Variants in B3GAT2 observed in about 807,000 individuals in gnomAD.
B3GAT2 encodes beta-1,3-glucuronyltransferase 2.
Under a neutral mutation model 27.8 loss-of-function variants are expected in B3GAT2, and 26 were observed. The ratio of observed to expected loss-of-function variants is 0.93; its 90% CI spans 0.68 to 1.30. The LOEUF (loss-of-function observed/expected upper bound fraction) is 1.30, where lower values mean the gene tolerates loss of function less well. B3GAT2 is among the 50% of genes most tolerant of loss of function. The pLI is 0.00. For missense variants in B3GAT2, 458 were observed against 459.0 expected (o/e 1.00, Z 0.02); for synonymous variants, 218 against 195.1 (o/e 1.12, Z -0.98).
intron 2 of B3GAT2, 119 bp downstream of exon 2, chr6:70,894,009 T>C (rs968836403): frequency 4.6e-6 from 5 of 1,076,484 alleles, no homozygotes; most frequent in Non-Finnish European, 6.3e-6. Flanking sequence ...CTGAATATGA[T>C]ATGATGTAGG....
At chr6:70,862,680 T>A (rs2150020449) in intron 2 of B3GAT2, among the ~76,000 whole-genome samples, 1 of 152,142 alleles carries the variant, frequency 6.6e-6, no homozygotes, top group South Asian at 2.1e-4. Context: ...ATACGAAAAA[T>A]CATTACTGGC....
intron 1 of B3GAT2, among the ~76,000 whole-genome samples, chr6:70,909,442 A>T (rs1269284671): frequency 6.6e-6 from 1 of 152,226 alleles, no homozygotes; most frequent in Non-Finnish European, 1.5e-5. Context: ...AGTGATTACC[A>T]GAGATAATAA....
intron 1 of B3GAT2, among the ~76,000 whole-genome samples, chr6:70,901,917 T>A (rs1772505441): frequency 6.6e-6 from 1 of 152,074 alleles, no homozygotes; most frequent in Admixed American, 6.5e-5. Flanking sequence ...TAAACCATAA[T>A]AAGAACCATG....
chr6:70,955,176 A>G (rs1332898615), intron 1 of B3GAT2, among the ~76,000 whole-genome samples: 1 of 39,058 alleles, frequency 2.6e-5, no homozygotes, highest in Non-Finnish European at 4.7e-5. Context: ...GTTTTCTTGC[A>G]AAAAAAAAAA....
intron 1 of B3GAT2, among the ~76,000 whole-genome samples, chr6:70,937,171 C>A (rs1001697370): frequency 6.6e-5 from 10 of 151,930 alleles, no homozygotes; most frequent in Non-Finnish European, 2.9e-5. Context: ...ATAAATTCCT[C>A]GGCACATACA....
chr6:70,940,177 ACC>A (rs1220067247), intron 1 of B3GAT2, among the ~76,000 whole-genome samples: 5 of 152,026 alleles, frequency 3.3e-5, no homozygotes, highest in Non-Finnish European at 7.4e-5. Flanking sequence ...CCACACACAC[ACC>A]CACACCCTCT....
intron 2 of B3GAT2, among the ~76,000 whole-genome samples, chr6:70,891,188 C>T (rs1032662673): frequency 9.2e-5 from 14 of 152,150 alleles, no homozygotes; most frequent in African/African-American, 2.7e-4. Flanking sequence ...CAGTAGAAAC[C>T]CCCCAGGGCC....
chr6:70,917,683 C>G (rs1325712004), intron 1 of B3GAT2, among the ~76,000 whole-genome samples: 1 of 152,184 alleles, frequency 6.6e-6, no homozygotes, highest in Non-Finnish European at 1.5e-5. Flanking sequence ...GCAGGTTGTT[C>G]AGTTTCCATG....
intron 1 of B3GAT2, among the ~76,000 whole-genome samples, chr6:70,894,721 A>C (rs1042966661): frequency 1.3e-5 from 2 of 152,198 alleles, no homozygotes; most frequent in African/African-American, 4.8e-5. Flanking sequence ...TTCTATTGCT[A>C]TACATACACA....
chr6:70,889,402 T>G (rs1482603248), intron 2 of B3GAT2, among the ~76,000 whole-genome samples: 1 of 152,096 alleles, frequency 6.6e-6, no homozygotes, highest in Non-Finnish European at 1.5e-5. Flanking sequence ...CCCTCCTGCC[T>G]CCTAGTCATG....
At chr6:70,947,996 T>C (rs1388581257) in intron 1 of B3GAT2, among the ~76,000 whole-genome samples, 1 of 152,028 alleles carries the variant, frequency 6.6e-6, no homozygotes, top group Non-Finnish European at 1.5e-5. Context: ...ATTATCTTAA[T>C]AGATGCAGAA....
chr6:70,858,266 A>T lies in B3GAT2; in HGVS notation c.*3397T>A. ...TTACTTTCTAGCTTCTCCCAAATCAAACCAGATTTATTTTCTAAATCTTTT... is the reference window on the plus strand; with the variant it reads ...TTACTTTCTAGCTTCTCCCAAATCATACCAGATTTATTTTCTAAATCTTTT... On this transcript the variant is annotated 3_prime_UTR_variant, in exon 4 of 4. Coordinates refer to ENST00000230053, the MANE Select transcript of B3GAT2 (RefSeq NM_080742.3). The T allele has an allele frequency of 7.0e-7, 1 of 1,433,784 alleles. No individual in the cohort carries two copies. Among genetic ancestry groups the T allele is most frequent in the Non-Finnish European group, 9.3e-7 (1 of 1,070,310 alleles). 88.8% of individuals were successfully genotyped at this position (1,433,784 alleles called of 1,614,324 possible).
At chr6:70,896,991 T>C (rs930079616) in intron 1 of B3GAT2, among the ~76,000 whole-genome samples, 3 of 152,352 alleles carry the variant, frequency 2.0e-5, no homozygotes, top group Admixed American at 6.5e-5. Flanking sequence ...GTCAGATTAT[T>C]TTCCAAAGTG....
At chr6:70,946,286 A>G (rs1368954284) in intron 1 of B3GAT2, among the ~76,000 whole-genome samples, 1 of 152,102 alleles carries the variant, frequency 6.6e-6, no homozygotes, top group Non-Finnish European at 1.5e-5. Flanking sequence ...ATGGGTCTTG[A>G]CTGGGGATAA....
intron 2 of B3GAT2, among the ~76,000 whole-genome samples, chr6:70,865,486 A>T (rs1160889717): frequency 6.6e-6 from 1 of 152,202 alleles, no homozygotes; most frequent in Non-Finnish European, 1.5e-5. Context: ...TGTATTAGGT[A>T]AGTAATCTAG....
chr6:70,944,436 C>CTCGGAGGGTCCTAT lies in B3GAT2; in HGVS notation c.591+11402_591+11403insATAGGACCCTCCGA, dbSNP rs60997808. On this transcript the variant is annotated intron_variant, in intron 1 of 3. Transcript: ENST00000230053. The stretch of plus-strand genomic sequence containing the variant: ...CCAGGAGATTATATCCCACACATGG[C>CTCGGAGGGTCCTAT]GCCCACGGAGTCTCGCTGATTGCTA... 5.5e-3 allele frequency among the ~76,000 whole-genome samples: 76 copies of CTCGGAGGGTCCTAT among 13,870 alleles called. 1 individual carries two copies. Among genetic ancestry groups the CTCGGAGGGTCCTAT allele is most frequent in the African/African-American group, 0.029 (68 of 2,326 alleles). The allele number at this position is 13,870 out of a possible 152,430, so 9.1% of individuals were successfully genotyped here.
intron 1 of B3GAT2, among the ~76,000 whole-genome samples, chr6:70,930,981 G>A (rs964455092): frequency 6.6e-6 from 1 of 152,054 alleles, no homozygotes; most frequent in African/African-American, 2.4e-5. Flanking sequence ...TGGCACATAT[G>A]CACCATGGAA....
At chr6:70,873,482 T>C (rs1048705084) in intron 2 of B3GAT2, among the ~76,000 whole-genome samples, 1 of 152,122 alleles carries the variant, frequency 6.6e-6, no homozygotes, top group African/African-American at 2.4e-5. Flanking sequence ...CAGTTTTCTT[T>C]TGTTACTCTC....
rs564862760 is a variant in B3GAT2 at position 70,920,004 on chromosome 6, C to T, written c.592-25732G>A. On this transcript the variant is annotated intron_variant, in intron 1 of 3. Coordinates refer to ENST00000230053, the MANE Select transcript of B3GAT2 (RefSeq NM_080742.3). ...CATTTTTTTCAGATATGCCCTGCCC[C>T]CGAGGTAGAATCTACAGAGGCAGTA... Among the ~76,000 whole-genome samples the T allele has an allele frequency of 3.3e-5, 5 of 152,254 alleles. No homozygotes were observed. In the East Asian group the frequency reaches 9.6e-4, roughly 29 times the overall value.
Sources: gnomAD v4.1 joint callset for allele counts (sites outside exome capture counted in the v4.1 genomes callset) on GRCh38, gnomAD v4.1.1 for gene constraint, MANE v1.5 for transcripts, NCBI Gene and HGNC (gene_info 2026-07-23, HGNC 2026-07-21) for gene names.